The following STK38L variants were observed in gnomAD, a reference collection of about 807,000 sequenced individuals.
STK38L encodes the protein serine/threonine-protein kinase 38-like.
In STK38L, 28 loss-of-function variants were observed where a neutral mutation model predicts 59.7. The observed-to-expected ratio is 0.47, with a 90% CI of 0.35 to 0.64. The LOEUF (loss-of-function observed/expected upper bound fraction) is 0.64. Among genes scored for constraint, STK38L ranks in the 30% least tolerant of loss-of-function variants. STK38L has a pLI of 0.01. For synonymous variants in STK38L, 162 were observed against 176.8 expected, an observed-to-expected ratio of 0.92 and a Z score of 0.66; for missense variants, 314 against 555.8, an observed-to-expected ratio of 0.56 and a Z score of 4.37.
intron 6 of STK38L, among the ~76,000 whole-genome samples, chr12:27,312,885 C>A (rs545200869): frequency 2.0e-5 from 3 of 152,074 alleles, no homozygotes. Context: ...TAAATATTAC[C>A]GTTCTGGGTT....
intron 1 of STK38L, among the ~76,000 whole-genome samples, chr12:27,261,928 A>T (rs770632980): frequency 6.6e-6 from 1 of 152,362 alleles, no homozygotes; most frequent in Admixed American, 6.5e-5. Context: ...TACAGTATAT[A>T]TGGCATACAG....
chr12:27,293,937 C>A (rs1453597590), intron 1 of STK38L, among the ~76,000 whole-genome samples: 2 of 152,132 alleles, frequency 1.3e-5, no homozygotes, highest in East Asian at 3.9e-4. Flanking sequence ...GGCTACAGAT[C>A]TTCTGGACAT....
At chr12:27,269,741 C>G (rs1943379495) in intron 1 of STK38L, among the ~76,000 whole-genome samples, 1 of 152,112 alleles carries the variant, frequency 6.6e-6, no homozygotes, top group Admixed American at 6.5e-5. Context: ...CTCCTGGGTT[C>G]AAGTGATTCT....
Position 27,267,610 on chromosome 12 carries a change from G to A in STK38L, c.-12+23278G>A, listed in dbSNP as rs1943326718. ...TATTTTTACAGTATGTACCTGGAGTGGAATTGCTTGGTCATTGGGCATGTG... is the reference window on the plus strand; with the variant it reads ...TATTTTTACAGTATGTACCTGGAGTAGAATTGCTTGGTCATTGGGCATGTG... On this transcript the variant is annotated intron_variant, in intron 1 of 13. Transcript: ENST00000389032. Among the ~76,000 whole-genome samples the A allele has an allele frequency of 2.0e-5, 3 of 152,324 alleles. No homozygotes were observed. In the East Asian group the frequency reaches 5.8e-4, roughly 29 times the overall value.
At chr12:27,257,718 C>T (rs1283704654) in intron 1 of STK38L, among the ~76,000 whole-genome samples, 2 of 152,140 alleles carry the variant, frequency 1.3e-5, no homozygotes, top group Non-Finnish European at 2.9e-5. Flanking sequence ...ATAATTTCTC[C>T]AGATATGAGC....
chr12:27,316,765 C>T (rs1466130704), intron 9 of STK38L, among the ~76,000 whole-genome samples: 1 of 152,092 alleles, frequency 6.6e-6, no homozygotes, highest in Non-Finnish European at 1.5e-5. Flanking sequence ...ATGAAAATAC[C>T]TCATGCTTAT....
Position 27,308,492 on chromosome 12 carries a change from G to A in STK38L, c.309+31G>A. 6.5e-7 allele frequency: 1 copy of A among 1,532,224 alleles called. No homozygotes were observed. The highest frequency in any genetic ancestry group is 1.2e-5 in the South Asian group (1 of 81,978). 94.9% of individuals were successfully genotyped at this position (1,532,224 alleles called of 1,614,324 possible). ...CTTCTTTTTAAAAGTCACTACTGCT[G>A]CAAATATATATCTTAAGATAATTTA... On this transcript the variant is annotated intron_variant, in intron 4 of 13. Transcript: ENST00000389032. This position sits in a 1 kb window ranked among gnomAD's most constrained non-coding sequence, Gnocchi z 4.5.
At chr12:27,321,739 C>G (rs1944733555) in intron 12 of STK38L, among the ~76,000 whole-genome samples, 1 of 152,024 alleles carries the variant, frequency 6.6e-6, no homozygotes, top group African/African-American at 2.4e-5. Flanking sequence ...AAGAGGGTGA[C>G]TATAGTCAAT....
chr12:27,282,609 T>C (rs922826638), intron 1 of STK38L, among the ~76,000 whole-genome samples: 4 of 152,176 alleles, frequency 2.6e-5, no homozygotes, highest in Non-Finnish European at 5.9e-5. Flanking sequence ...ATATAACTAT[T>C]GATGGTCAAT....
intron 1 of STK38L, among the ~76,000 whole-genome samples, chr12:27,284,861 G>A (rs575713298): frequency 2.0e-5 from 3 of 152,102 alleles, no homozygotes; most frequent in Non-Finnish European, 4.4e-5. Flanking sequence ...TTGTATTCTG[G>A]TATCTTAATG....
intron 1 of STK38L, among the ~76,000 whole-genome samples, chr12:27,261,858 T>C (rs1943209743): frequency 6.6e-6 from 1 of 152,218 alleles, no homozygotes; most frequent in African/African-American, 2.4e-5. Context: ...TGATAAACTT[T>C]TATGTAGGGT....
chr12:27,252,228 C>T (rs1430005731), intron 1 of STK38L, among the ~76,000 whole-genome samples: 1 of 152,164 alleles, frequency 6.6e-6, no homozygotes, highest in Non-Finnish European at 1.5e-5. Flanking sequence ...ATCCGCCTGC[C>T]TCGGCCTCCC....
intron 1 of STK38L, among the ~76,000 whole-genome samples, chr12:27,260,772 G>A (rs964004518): frequency 7.3e-5 from 11 of 151,480 alleles, no homozygotes; most frequent in African/African-American, 1.2e-4. Flanking sequence ...CCATCCCCTC[G>A]CCCCACTAGA....
rs1265150906 is a variant in STK38L at position 27,323,751 on chromosome 12, G to A, written c.*1296G>A. The A allele has an allele frequency of 6.6e-6, 1 of 152,378 alleles. No homozygotes were observed. The highest frequency in any genetic ancestry group is 6.5e-5 in the Admixed American group (1 of 15,270). The allele number at this position is 152,378 out of a possible 1,614,324, so 9.4% of individuals were successfully genotyped here. On this transcript the variant is annotated 3_prime_UTR_variant, in exon 14 of 14. Coordinates refer to ENST00000389032, the MANE Select transcript of STK38L (RefSeq NM_015000.4). ...AGGGGGTTGTGATGAGAGGATAGGG[G>A]AGATAATATCAGCATCAAATTCTTT... is the stretch of plus-strand genomic sequence containing the variant.
chr12:27,322,350 C>T lies in STK38L; in HGVS notation c.1290C>T (p.Asp430=), dbSNP rs61752523. 2.2e-5 allele frequency: 35 copies of T among 1,613,984 alleles called. No individual in the cohort carries two copies. The African/African-American group carries it at 3.7e-4, about 17-fold the overall frequency. Residue 430 remains aspartate (D), a synonymous_variant, in exon 14 of 14, where the codon GAC becomes GAT. Coordinates refer to ENST00000389032, the MANE Select transcript of STK38L (RefSeq NM_015000.4). The part of the protein sequence containing the change: ...LQPVPNTTEP[D]YKSKDWVFLN... ...TAGTGCCAAATACCACAGAACCGGA[C>T]TACAAATCCAAAGACTGGGTTTTTC... is the stretch of plus-strand genomic sequence containing the variant.
At chr12:27,322,283 G>T in intron 13 of STK38L, 45 bp from the exon 14 acceptor site, 1 of 1,613,242 alleles carries the variant, frequency 6.2e-7, no homozygotes, top group Non-Finnish European at 8.5e-7. Flanking sequence ...CTTTGAAGAT[G>T]ATGGCATTTC....
chr12:27,317,871 C>T (rs1367039895), intron 10 of STK38L, 25 bp from the exon 11 acceptor site: 1 of 1,611,054 alleles, frequency 6.2e-7, no homozygotes, highest in South Asian at 1.1e-5. Context: ...GCTGATGAAA[C>T]ATTTTTGATT....
At chr12:27,287,976 G>A (rs548634858) in intron 1 of STK38L, among the ~76,000 whole-genome samples, 4 of 152,284 alleles carry the variant, frequency 2.6e-5, no homozygotes, top group East Asian at 1.9e-4. Context: ...TCTGCCTCCC[G>A]GGTTCAAGTG....
chr12:27,280,280 A>G (rs929761672), intron 1 of STK38L, among the ~76,000 whole-genome samples: 2 of 152,230 alleles, frequency 1.3e-5, no homozygotes, highest in African/African-American at 4.8e-5. Context: ...TTGATTATGC[A>G]ATGAAAGAGA....
Sources: gnomAD v4.1 joint callset for allele counts (sites outside exome capture counted in the v4.1 genomes callset) on GRCh38, gnomAD v4.1.1 for gene constraint, Gnocchi (gnomAD v3.1) non-coding constraint, MANE v1.5 for transcripts, NCBI Gene and HGNC (gene_info 2026-07-23, HGNC 2026-07-21) for gene names.